The following DIP2B variants were observed in gnomAD, a reference collection of about 807,000 sequenced individuals.
DIP2B encodes DIP2 acetate--CoA ligase B (putative), also known as disco-interacting protein 2 homolog B.
A neutral mutation model predicts 198.0 loss-of-function variants in DIP2B; 76 were observed. That is an observed-to-expected ratio of 0.38 (90% CI 0.32 to 0.46). The LOEUF is 0.46. Ranked by LOEUF, DIP2B falls within the 20% of genes least tolerant of loss-of-function variation. The pLI is 0.99. For missense variants in DIP2B, 1,559 were observed against 1,978.4 expected (o/e 0.79, Z 4.02); for synonymous variants, 701 against 739.1 (o/e 0.95, Z 0.84).
At chr12:50,669,485 C>CTA (rs1938812177) in intron 4 of DIP2B, among the ~76,000 whole-genome samples, 1 of 152,196 alleles carries the variant, frequency 6.6e-6, no homozygotes, top group Admixed American at 6.5e-5. Context: ...GGCAGTGATG[C>CTA]TATCTCTGCT....
At chr12:50,731,686 CAA>C in intron 31 of DIP2B, 149 bp downstream of exon 31, 1 of 883,972 alleles carries the variant, frequency 1.1e-6, no homozygotes, top group Non-Finnish European at 1.6e-6. Context: ...TAAACTTTGG[CAA>C]GTTTATCTCT....
intron 1 of DIP2B, among the ~76,000 whole-genome samples, chr12:50,563,113 A>G (rs945365405): frequency 1.3e-5 from 2 of 152,140 alleles, no homozygotes; most frequent in Non-Finnish European, 2.9e-5. Context: ...CATTTGTTTG[A>G]GTCATTTGGG....
At chr12:50,744,205 T>C (rs548020981) in intron 37 of DIP2B, among the ~76,000 whole-genome samples, 1 of 152,318 alleles carries the variant, frequency 6.6e-6, no homozygotes, top group South Asian at 2.1e-4. Context: ...TTTCGCCATG[T>C]TGGCCAGGCT....
At chr12:50,555,313 TC>T (rs1958460990) in intron 1 of DIP2B, among the ~76,000 whole-genome samples, 1 of 152,158 alleles carries the variant, frequency 6.6e-6, no homozygotes, top group Non-Finnish European at 1.5e-5. Flanking sequence ...GTTCTCCCCT[TC>T]CTATGTATTT....
chr12:50,663,555 C>CAAATAAAT (rs60815215), intron 4 of DIP2B, among the ~76,000 whole-genome samples: 40,137 of 141,668 alleles, frequency 0.28, 6,425 homozygotes, highest in Non-Finnish European at 0.35. Flanking sequence ...GACTCCGTCT[C>CAAATAAAT]AAATAAATAA....
intron 9 of DIP2B, 96 bp from the exon 10 acceptor site, chr12:50,683,042 G>A (rs1011151040): frequency 9.7e-7 from 1 of 1,027,588 alleles, no homozygotes; most frequent in South Asian, 1.7e-5. Flanking sequence ...TTGATTTATT[G>A]TGTTCATGAT....
intron 19 of DIP2B, among the ~76,000 whole-genome samples, chr12:50,700,256 T>C (rs1939394948): frequency 6.6e-6 from 1 of 152,210 alleles, no homozygotes. Flanking sequence ...CAGGTTGTAA[T>C]GGAAACTTTG....
At chr12:50,559,309 TTG>T (rs1958497451) in intron 1 of DIP2B, among the ~76,000 whole-genome samples, 2 of 128,708 alleles carry the variant, frequency 1.6e-5, no homozygotes, top group Non-Finnish European at 3.3e-5. Flanking sequence ...GTGTAATTAT[TTG>T]TCTTTTTTTT....
chr12:50,654,098 T>C (rs1427785159), intron 3 of DIP2B, among the ~76,000 whole-genome samples: 1 of 152,102 alleles, frequency 6.6e-6, no homozygotes, highest in Non-Finnish European at 1.5e-5. Flanking sequence ...GTTCTGGAAC[T>C]CCTGGCCTCA....
At chr12:50,555,440 T>A (rs1292139273) in intron 1 of DIP2B, among the ~76,000 whole-genome samples, 7 of 152,186 alleles carry the variant, frequency 4.6e-5, no homozygotes, top group African/African-American at 1.7e-4. Context: ...TTTCCAAATT[T>A]CAAATTTTGT....
intron 1 of DIP2B, among the ~76,000 whole-genome samples, chr12:50,530,191 T>A (rs1958203546): frequency 6.6e-6 from 1 of 152,022 alleles, no homozygotes; most frequent in Admixed American, 6.6e-5. Flanking sequence ...ATTCTCCCGC[T>A]TCAGCCTCCC....
chr12:50,710,445 T>C (rs1365664401), intron 22 of DIP2B, among the ~76,000 whole-genome samples: 1 of 151,834 alleles, frequency 6.6e-6, no homozygotes, highest in African/African-American at 2.4e-5. Flanking sequence ...TTTTTTGAGA[T>C]GGAGTTTCTC....
intron 30 of DIP2B, 54 bp downstream of exon 30, chr12:50,728,732 A>G: frequency 2.5e-6 from 4 of 1,584,400 alleles, no homozygotes; most frequent in Non-Finnish European, 3.4e-6. Context: ...CTTTGTGGCC[A>G]TGGCCATCTC....
chr12:50,731,764 C>T (rs913313847), intron 31 of DIP2B, among the ~76,000 whole-genome samples: 23 of 152,156 alleles, frequency 1.5e-4, no homozygotes, highest in Non-Finnish European at 1.5e-4. Flanking sequence ...GGACAAGAAG[C>T]GGAAACTGGT....
chr12:50,556,021 A>G lies in DIP2B; in HGVS notation c.100+50781A>G, dbSNP rs188001729. Among the ~76,000 whole-genome samples, 635 of 152,148 alleles carry G rather than the reference A, an allele frequency of 4.2e-3. 5 individuals carry two copies. The highest frequency in any genetic ancestry group is 0.018 in the South Asian group (86 of 4,820). On this transcript the variant is annotated intron_variant, in intron 1 of 37. Coordinates refer to ENST00000301180, the MANE Select transcript of DIP2B (RefSeq NM_173602.3). ...ATGTCCTGCTTCTCTTCTTCTTGCT[A>G]TCTATTGTCCCGTGTCACATCTCTG...
At chr12:50,719,230 T>C (rs1939789134) in intron 25 of DIP2B, among the ~76,000 whole-genome samples, 195 bp downstream of exon 25, 1 of 152,222 alleles carries the variant, frequency 6.6e-6, no homozygotes, top group Non-Finnish European at 1.5e-5. Flanking sequence ...CCTGGAGTGC[T>C]ATGTAATACT....
At chr12:50,654,283 G>T (rs1938515586) in intron 3 of DIP2B, among the ~76,000 whole-genome samples, 2 of 151,010 alleles carry the variant, frequency 1.3e-5, no homozygotes, top group Non-Finnish European at 2.9e-5. Context: ...CCCATCTTTT[G>T]CATGGTTTAA....
intron 1 of DIP2B, among the ~76,000 whole-genome samples, chr12:50,580,129 G>A (rs1958711171): frequency 6.7e-6 from 1 of 148,998 alleles, no homozygotes; most frequent in Non-Finnish European, 1.5e-5. Context: ...TGAATCCACA[G>A]TGAGACATTA....
intron 1 of DIP2B, among the ~76,000 whole-genome samples, chr12:50,569,980 A>G (rs980033768): frequency 1.3e-5 from 2 of 152,204 alleles, no homozygotes; most frequent in Non-Finnish European, 2.9e-5. Flanking sequence ...AAGTTGTTAA[A>G]CTCAGAAATC....
Sources: gnomAD v4.1 joint callset for allele counts (sites outside exome capture counted in the v4.1 genomes callset) on GRCh38, gnomAD v4.1.1 for gene constraint, MANE v1.5 for transcripts, NCBI Gene and HGNC (gene_info 2026-07-23, HGNC 2026-07-21) for gene names.